ABHD6: variants seen among roughly 807,000 people sequenced by gnomAD.
ABHD6 encodes abhydrolase domain containing 6, acylglycerol lipase.
ABHD6 carries 33 observed loss-of-function variants against 38.8 expected under a neutral mutation model. The ratio of observed to expected loss-of-function variants is 0.85; its 90% CI spans 0.64 to 1.14. The LOEUF is 1.14. Among genes scored for constraint, ABHD6 ranks in the 50% most tolerant of loss-of-function variants. ABHD6 has a pLI of 0.00. For missense variants in ABHD6, 380 were observed against 422.6 expected, an observed-to-expected ratio of 0.90 and a Z score of 0.88; for synonymous variants, 147 against 161.6, an observed-to-expected ratio of 0.91 and a Z score of 0.69.
chr3:58,260,818 C>A (rs577462133), intron 3 of ABHD6, among the ~76,000 whole-genome samples: 1 of 152,184 alleles, frequency 6.6e-6, no homozygotes, highest in Non-Finnish European at 1.5e-5. Context: ...GTCATCACAT[C>A]GTGCAAGCTC....
chr3:58,270,232 G>A (rs1235835280), intron 5 of ABHD6, among the ~76,000 whole-genome samples: 1 of 152,130 alleles, frequency 6.6e-6, no homozygotes, highest in Non-Finnish European at 1.5e-5. Flanking sequence ...TCAGATGGAC[G>A]AGAAGAGCTT....
rs982608938 is a variant in ABHD6 at position 58,285,556 on chromosome 3, G to A, written c.837+103G>A. The A allele has an allele frequency of 4.9e-6, 5 of 1,012,984 alleles. No homozygotes were observed. Among genetic ancestry groups the A allele is most frequent in the Admixed American group, 1.9e-5 (1 of 51,694 alleles). The allele number at this position is 1,012,984 out of a possible 1,614,324, so 62.7% of individuals were successfully genotyped here. Reference sequence around the variant, plus strand: ...TGGTTATTTATGGAGTGAGCTGATCGCTGCTGTCAGGAAGAGGGGGAAGGC... The same window carrying A: ...TGGTTATTTATGGAGTGAGCTGATCACTGCTGTCAGGAAGAGGGGGAAGGC... On this transcript the variant is annotated intron_variant, in intron 9 of 9. Coordinates refer to ENST00000478253, the MANE Select transcript of ABHD6 (RefSeq NM_001320126.2). The surrounding 1 kb of genome is among the most constrained non-coding windows in gnomAD (Gnocchi z 4.9).
At chr3:58,277,927 T>G (rs2097449929) in intron 7 of ABHD6, among the ~76,000 whole-genome samples, 2 of 152,252 alleles carry the variant, frequency 1.3e-5, no homozygotes, top group African/African-American at 2.4e-5. Flanking sequence ...GATTTGTGTA[T>G]GTTGAACCAG....
chr3:58,275,529 A>G (rs1226450369), intron 7 of ABHD6, among the ~76,000 whole-genome samples: 1 of 152,044 alleles, frequency 6.6e-6, no homozygotes, highest in Non-Finnish European at 1.5e-5. Flanking sequence ...GGGTTTCACC[A>G]TGTTGGTCAG....
rs561716150 is a variant in ABHD6 at position 58,244,633 on chromosome 3, G to A, written c.-90-5245G>A. On this transcript the variant is annotated intron_variant, in intron 1 of 9. Coordinates refer to ENST00000478253, the MANE Select transcript of ABHD6 (RefSeq NM_001320126.2). ...TGAAAAATTAGCTGGGCGTGGTGGT[G>A]CATGCCTGTGGTCCCAGCTGCTCAG... 9.9e-5 allele frequency among the ~76,000 whole-genome samples: 15 copies of A among 152,122 alleles called. No individual in the cohort carries two copies. In the South Asian group the frequency reaches 2.9e-3, roughly 29 times the overall value.
At chr3:58,245,099 A>AT (rs1175905302) in intron 1 of ABHD6, among the ~76,000 whole-genome samples, 2 of 152,108 alleles carry the variant, frequency 1.3e-5, no homozygotes, top group African/African-American at 2.4e-5. Flanking sequence ...AACAGGGCTC[A>AT]TTTTTTTGTT....
intron 5 of ABHD6, among the ~76,000 whole-genome samples, chr3:58,270,455 T>C (rs896892595): frequency 1.4e-5 from 2 of 145,778 alleles, no homozygotes; most frequent in Non-Finnish European, 3.0e-5. Context: ...TCTGGACCTT[T>C]ATAGAAAACT....
rs367838469 is a variant in ABHD6, at chr3:58,251,840, C to T, written c.-26+1898C>T. On this transcript the variant is annotated intron_variant, in intron 2 of 9. Transcript: ENST00000478253. This position sits in a 1 kb window ranked among gnomAD's most constrained non-coding sequence, Gnocchi z 5.4. ...TTCTTTTTCAGTGTATTCAGTCAGG[C>T]GATAAACATGATCAAGCACCAAGTC... 2.6e-5 allele frequency among the ~76,000 whole-genome samples: 4 copies of T among 152,134 alleles called. No homozygotes were observed. Among genetic ancestry groups the T allele is most frequent in the Admixed American group, 6.5e-5 (1 of 15,274 alleles).
In ABHD6 at chr3:58,285,328, C is replaced by G. The variant is rs1488682872; in HGVS notation, c.737-25C>G. The stretch of plus-strand genomic sequence containing the variant: ...CCACAGGCACAGTCCAGCACATACT[C>G]ACTTTGTTTTCCTTTTCTGACAAGT... On this transcript the variant is annotated intron_variant, in intron 8 of 9. Transcript: ENST00000478253. The surrounding 1 kb of genome is among the most constrained non-coding windows in gnomAD (Gnocchi z 4.9). 1.2e-6 allele frequency: 2 copies of G among 1,608,730 alleles called. No homozygotes were observed. The highest frequency in any genetic ancestry group is 2.2e-5 in the South Asian group (2 of 90,934).
Position 58,269,487 on chromosome 3 carries a change from A to G in ABHD6, c.390+53A>G. On this transcript the variant is annotated intron_variant, in intron 5 of 9. Transcript: ENST00000478253. The surrounding 1 kb of genome is among the most constrained non-coding windows in gnomAD (Gnocchi z 4.4). The stretch of plus-strand genomic sequence containing the variant: ...CCCAGACTGTCTCAGCCACCATTAC[A>G]TGTCTGAGTCTGGAGAGCAGGGAAG... 1.4e-6 allele frequency: 2 copies of G among 1,382,414 alleles called. No individual in the cohort carries two copies. The highest frequency in any genetic ancestry group is 1.8e-5 in the Admixed American group (1 of 56,636). 85.6% of individuals were successfully genotyped at this position (1,382,414 alleles called of 1,614,324 possible).
Position 58,263,684 on chromosome 3 carries a change from C to T in ABHD6, c.120-3505C>T, listed in dbSNP as rs1025240432. ...TTCCAGCTGATGTATGTTGAGTATC[C>T]AGTAGTCTGCTGAAGTTTCACCTTT... is the stretch of plus-strand genomic sequence containing the variant. On this transcript the variant is annotated intron_variant, in intron 3 of 9. Coordinates refer to ENST00000478253, the MANE Select transcript of ABHD6 (RefSeq NM_001320126.2). The surrounding 1 kb of genome is among the most constrained non-coding windows in gnomAD (Gnocchi z 4.9). 2.0e-5 allele frequency among the ~76,000 whole-genome samples: 3 copies of T among 152,216 alleles called. No homozygotes were observed. The highest frequency in any genetic ancestry group is 7.2e-5 in the African/African-American group (3 of 41,450).
chr3:58,254,527 T>C (rs920659272), intron 2 of ABHD6, among the ~76,000 whole-genome samples: 1 of 152,222 alleles, frequency 6.6e-6, no homozygotes, highest in South Asian at 2.1e-4. Context: ...CTGTGCTGCA[T>C]TGAACTTATT....
In ABHD6 at chr3:58,293,544, G is replaced by A. The variant is rs2097464865; in HGVS notation, c.838-45G>A. 1 of 1,603,094 alleles carries A rather than the reference G, an allele frequency of 6.2e-7. No homozygotes were observed. Among genetic ancestry groups the A allele is most frequent in the Non-Finnish European group, 8.5e-7 (1 of 1,173,388 alleles). ...CTGTCCACAGAGTGCACACGTGGGT[G>A]TCTGAATCTTTGTGTATCATCCAGC... On this transcript the variant is annotated intron_variant, in intron 9 of 9. Coordinates refer to ENST00000478253, the MANE Select transcript of ABHD6 (RefSeq NM_001320126.2). The surrounding 1 kb of genome is among the most constrained non-coding windows in gnomAD (Gnocchi z 4.4).
intron 3 of ABHD6, among the ~76,000 whole-genome samples, chr3:58,260,997 C>A (rs1359437155): frequency 6.6e-6 from 1 of 152,158 alleles, no homozygotes; most frequent in Admixed American, 6.5e-5. Context: ...CAGGAGGTAC[C>A]AAATGCTTCA....
At chr3:58,241,993 T>C (rs11719549) in intron 1 of ABHD6, among the ~76,000 whole-genome samples, 4,999 of 152,264 alleles carry the variant, frequency 0.033, 112 homozygotes, top group South Asian at 0.045. Context: ...ACCCAGGTTG[T>C]TGAGCTGCAA....
chr3:58,260,420 G>A (rs1402933212), intron 3 of ABHD6, among the ~76,000 whole-genome samples: 1 of 152,208 alleles, frequency 6.6e-6, no homozygotes, highest in Non-Finnish European at 1.5e-5. Context: ...ATTGTGACAC[G>A]GGGGATTATG....
chr3:58,243,011 G>A (rs1406030832), intron 1 of ABHD6, among the ~76,000 whole-genome samples: 1 of 152,108 alleles, frequency 6.6e-6, no homozygotes, highest in African/African-American at 2.4e-5. Flanking sequence ...TCAGAATGAT[G>A]GTTTCCAGCT....
At chr3:58,290,481 A>G (rs1240046522) in intron 9 of ABHD6, among the ~76,000 whole-genome samples, 1 of 78,830 alleles carries the variant, frequency 1.3e-5, no homozygotes, top group Admixed American at 1.3e-4. Flanking sequence ...TGACCCCCCC[A>G]CCTCCCTCCC....
Position 58,289,001 on chromosome 3 carries a change from G to A in ABHD6, c.837+3548G>A, listed in dbSNP as rs564029826. On this transcript the variant is annotated intron_variant, in intron 9 of 9. Transcript: ENST00000478253. The stretch of plus-strand genomic sequence containing the variant: ...GCCTCACCATAGTTTTAGCCCTGGT[G>A]TGAAGCAATGCAGGAAAAGGTTTTG... 5.3e-5 allele frequency among the ~76,000 whole-genome samples: 8 copies of A among 152,282 alleles called. No individual in the cohort carries two copies. The South Asian group carries it at 1.2e-3, about 24-fold the overall frequency.
Sources: allele counts gnomAD v4.1 joint callset (sites outside exome capture counted in the v4.1 genomes callset), GRCh38; gene constraint gnomAD v4.1.1; non-coding constraint Gnocchi (gnomAD v3.1); transcripts MANE v1.5; gene names NCBI Gene and HGNC (gene_info 2026-07-23, HGNC 2026-07-21).